The following CPED1 variants were observed in gnomAD, a reference collection of about 807,000 sequenced individuals.
CPED1 encodes cadherin like and PC-esterase domain containing 1.
Under a neutral mutation model 128.2 loss-of-function variants are expected in CPED1, and 114 were observed. The observed-to-expected ratio is 0.89, with a 90% CI of 0.76 to 1.04. The LOEUF is 1.04. Ranked by LOEUF, CPED1 falls within the 50% of genes least tolerant of loss-of-function variation. CPED1 has a pLI of 0.00. For synonymous variants in CPED1, 462 were observed against 426.7 expected (o/e 1.08, Z -1.02); for missense variants, 1,211 against 1,207.1 (o/e 1.00, Z -0.05).
intron 2 of CPED1, among the ~76,000 whole-genome samples, chr7:121,008,031 G>C (rs1412080656): frequency 1.3e-5 from 2 of 151,664 alleles, no homozygotes; most frequent in Non-Finnish European, 2.9e-5. Flanking sequence ...CTGCAATATG[G>C]AAGGGGTGGC....
chr7:121,149,244 A>G (rs1173599086), intron 16 of CPED1, among the ~76,000 whole-genome samples: 1 of 151,860 alleles, frequency 6.6e-6, no homozygotes, highest in Non-Finnish European at 1.5e-5. Context: ...GACATTTTGA[A>G]TGCATAGACC....
At chr7:121,041,659 A>T (rs145741968) in intron 3 of CPED1, among the ~76,000 whole-genome samples, 211 of 152,218 alleles carry the variant, frequency 1.4e-3, no homozygotes, top group African/African-American at 4.6e-3. Flanking sequence ...CAGCCTGTCT[A>T]TGAGAAACTG....
chr7:121,053,073 A>C (rs1231854562), intron 4 of CPED1, among the ~76,000 whole-genome samples: 1 of 152,232 alleles, frequency 6.6e-6, no homozygotes, highest in Non-Finnish European at 1.5e-5. Context: ...CAAAAATAAT[A>C]CAAAGATTTT....
intron 3 of CPED1, among the ~76,000 whole-genome samples, chr7:121,027,745 A>G (rs1389511344): frequency 1.9e-5 from 2 of 102,868 alleles, no homozygotes; most frequent in African/African-American, 5.5e-5. Flanking sequence ...ACCTTTAGTA[A>G]TAATAATAAT....
intron 2 of CPED1, among the ~76,000 whole-genome samples, chr7:121,006,887 G>A (rs1478717654): frequency 2.0e-5 from 3 of 152,090 alleles, no homozygotes; most frequent in Non-Finnish European, 4.4e-5. Context: ...TCAGAAAAGA[G>A]AAAAGGGAAA....
At chr7:121,236,556 A>G (rs1798259010) in intron 16 of CPED1, among the ~76,000 whole-genome samples, 158 bp from the exon 17 acceptor site, 1 of 152,214 alleles carries the variant, frequency 6.6e-6, no homozygotes, top group Non-Finnish European at 1.5e-5. Flanking sequence ...TACTTCTAGC[A>G]CAAACAACTA....
chr7:121,100,178 A>C, intron 7 of CPED1, 84 bp downstream of exon 7: 2 of 1,166,386 alleles, frequency 1.7e-6, no homozygotes, highest in South Asian at 1.4e-5. Context: ...TCCCACCTTT[A>C]TGGTTATCAA....
At position 121,284,623 on chromosome 7, in the gene CPED1, T is replaced by C. The variant is rs1374166512; in HGVS notation, c.2869-10817T>C. On this transcript the variant is annotated intron_variant, in intron 22 of 22. Coordinates refer to ENST00000310396, the MANE Select transcript of CPED1 (RefSeq NM_024913.5). ...GATAAATTGGCCAAAACAAAGGGGCTAGAGGCCCCATTCAAACCCAAAATC... is the reference window on the plus strand; with the variant it reads ...GATAAATTGGCCAAAACAAAGGGGCCAGAGGCCCCATTCAAACCCAAAATC... Among the ~76,000 whole-genome samples, 6 of 152,272 alleles carry C rather than the reference T, an allele frequency of 3.9e-5. No individual in the cohort carries two copies. In the South Asian group the frequency reaches 1.0e-3, roughly 26 times the overall value.
intron 16 of CPED1, among the ~76,000 whole-genome samples, chr7:121,174,226 T>A (rs1796723475): frequency 6.6e-6 from 1 of 152,198 alleles, no homozygotes; most frequent in Non-Finnish European, 1.5e-5. Context: ...TTAAATTTAA[T>A]TAGATCCCAT....
intron 11 of CPED1, 61 bp from the exon 12 acceptor site, chr7:121,130,064 C>T: frequency 1.5e-6 from 2 of 1,296,318 alleles, no homozygotes; most frequent in South Asian, 2.4e-5. Flanking sequence ...TAAGGCTGTT[C>T]ATAGTAATAC....
chr7:121,187,667 A>G (rs1307420037), intron 16 of CPED1, among the ~76,000 whole-genome samples: 1 of 152,168 alleles, frequency 6.6e-6, no homozygotes, highest in Non-Finnish European at 1.5e-5. Flanking sequence ...TCTTTCAAAC[A>G]GCTTTAATTT....
rs554590101 is a variant in CPED1, at chr7:121,244,422, A to G, written c.2310+84A>G. Reference sequence around the variant, plus strand: ...TCGTATAGTTGTATCTACTAGACCAATTCCTGCTGTCTCACAGCAGAGGAA... The same window carrying G: ...TCGTATAGTTGTATCTACTAGACCAGTTCCTGCTGTCTCACAGCAGAGGAA... On this transcript the variant is annotated intron_variant, in intron 18 of 22. Transcript: ENST00000310396. 3.7e-5 allele frequency: 53 copies of G among 1,419,542 alleles called. No individual in the cohort carries two copies. The East Asian group carries it at 1.2e-3, about 32-fold the overall frequency. 87.9% of individuals were successfully genotyped at this position (1,419,542 alleles called of 1,614,324 possible).
chr7:121,061,030 C>T (rs1167161047), intron 4 of CPED1: 3 of 152,132 alleles, frequency 2.0e-5, no homozygotes, highest in Non-Finnish European at 4.4e-5. Context: ...CCTGAGCCAG[C>T]GAGACCACGA....
At chr7:121,263,256 C>T (rs1400306714) in intron 18 of CPED1, among the ~76,000 whole-genome samples, 2 of 152,018 alleles carry the variant, frequency 1.3e-5, no homozygotes, top group African/African-American at 2.4e-5. Context: ...ACTTTCCAGC[C>T]ATGCTTCAAG....
intron 16 of CPED1, among the ~76,000 whole-genome samples, chr7:121,146,075 A>G (rs1796018978): frequency 2.6e-5 from 4 of 152,162 alleles, no homozygotes; most frequent in South Asian, 4.1e-4. Context: ...CTGCTCTAAC[A>G]AAATACTTGA....
chr7:121,040,713 A>G lies in CPED1; in HGVS notation c.434-6174A>G, dbSNP rs183387217. 1.8e-4 allele frequency among the ~76,000 whole-genome samples: 28 copies of G among 152,142 alleles called. No homozygotes were observed. The East Asian group carries it at 5.4e-3, about 29-fold the overall frequency. On this transcript the variant is annotated intron_variant, in intron 3 of 22. Transcript: ENST00000310396. Reference sequence around the variant, plus strand: ...GTGAACAGATAAAATATCCTCACATATTATATTATAAAGGAATATTATGAA... The same window carrying G: ...GTGAACAGATAAAATATCCTCACATGTTATATTATAAAGGAATATTATGAA...
At chr7:121,252,250 T>A (rs906127311) in intron 18 of CPED1, among the ~76,000 whole-genome samples, 1 of 151,860 alleles carries the variant, frequency 6.6e-6, no homozygotes, top group Non-Finnish European at 1.5e-5. Flanking sequence ...CTGGGAAAAC[T>A]GGCTAGCCAT....
At chr7:121,159,291 T>C (rs1796359893) in intron 16 of CPED1, among the ~76,000 whole-genome samples, 2 of 152,202 alleles carry the variant, frequency 1.3e-5, no homozygotes, top group South Asian at 2.1e-4. Context: ...CAATTTACTC[T>C]TCTGATTTGT....
chr7:121,288,955 A>G (rs1053009667), intron 22 of CPED1, among the ~76,000 whole-genome samples: 4 of 152,172 alleles, frequency 2.6e-5, no homozygotes, highest in African/African-American at 9.7e-5. Flanking sequence ...TTGAGTACAA[A>G]CCTCCTCTAA....
Sources: allele counts gnomAD v4.1 joint callset (sites outside exome capture counted in the v4.1 genomes callset), GRCh38; gene constraint gnomAD v4.1.1; transcripts MANE v1.5; gene names NCBI Gene and HGNC (gene_info 2026-07-23, HGNC 2026-07-21).